The following PLEKHD1 variants were observed in gnomAD, a reference collection of about 807,000 sequenced individuals.
PLEKHD1 encodes the protein pleckstrin homology and coiled-coil domain containing D1, also known as pleckstrin homology domain-containing family D member 1.
In PLEKHD1, 51 loss-of-function variants were observed where a neutral mutation model predicts 69.2. The ratio of observed to expected loss-of-function variants is 0.74; its 90% confidence interval spans 0.59 to 0.93. The LOEUF is 0.93. Among genes scored for constraint, PLEKHD1 ranks in the 40% least tolerant of loss-of-function variants. The pLI is 0.00. For synonymous variants in PLEKHD1, 236 were observed against 244.7 expected, an observed-to-expected ratio of 0.96 and a Z score of 0.33; for missense variants, 584 against 641.0, an observed-to-expected ratio of 0.91 and a Z score of 0.96.
intron 5 of PLEKHD1, chr14:69,502,416 C>T (rs1303026767): frequency 4.0e-6 from 1 of 248,716 alleles, no homozygotes; most frequent in Non-Finnish European, 7.9e-6. Context: ...CTGGGACCCT[C>T]TCCCCTCTGC....
the PLEKHD1 span, among the ~76,000 whole-genome samples, chr14:69,474,313 C>T: frequency 1.3e-5 from 2 of 152,156 alleles, no homozygotes; most frequent in African/African-American, 2.4e-5. Context: ...CCCAGACCCC[C>T]ACCAAATGAT....
chr14:69,473,493 A>G, the PLEKHD1 span, among the ~76,000 whole-genome samples: 1 of 152,196 alleles, frequency 6.6e-6, no homozygotes, highest in Non-Finnish European at 1.5e-5. Context: ...CTGAGTGTAC[A>G]GGTGGGAAAT....
In PLEKHD1 at chr14:69,523,285, A is replaced by G. The variant is rs1594992805; in HGVS notation, c.650+908A>G. On this transcript the variant is annotated intron_variant, in intron 7 of 12. Transcript: ENST00000322564. ...CCCAGGTGATTCTGAGGCAGCCTCC[A>G]GGAATGTGGAGACTGCTGCTGTGGG... 2.6e-5 allele frequency among the ~76,000 whole-genome samples: 4 copies of G among 152,338 alleles called. No individual in the cohort carries two copies. In the South Asian group the frequency reaches 8.3e-4, roughly 32 times the overall value.
At chr14:69,503,025 G>C in intron 6 of PLEKHD1, 146 bp downstream of exon 6, 1 of 862,250 alleles carries the variant, frequency 1.2e-6, no homozygotes, top group African/African-American at 1.7e-5. Context: ...TGGGATCACA[G>C]TGCTTGCTTG....
At chr14:69,471,090 CTTTTTTTT>C in the PLEKHD1 span, among the ~76,000 whole-genome samples, 11 of 44,744 alleles carry the variant, frequency 2.5e-4, no homozygotes, top group African/African-American at 9.4e-4. Context: ...CGTGCCTGGC[CTTTTTTTT>C]TTTTTTTTTT....
At chr14:69,504,437 C>T (rs979178431) in intron 6 of PLEKHD1, among the ~76,000 whole-genome samples, 5 of 144,872 alleles carry the variant, frequency 3.5e-5, no homozygotes, top group Admixed American at 2.7e-4. Flanking sequence ...TCCCTGGGCT[C>T]TGAAACAGGC....
chr14:69,475,957 G>A, the PLEKHD1 span, among the ~76,000 whole-genome samples: 1 of 152,200 alleles, frequency 6.6e-6, no homozygotes, highest in Admixed American at 6.5e-5. Context: ...GGAGGAAGTG[G>A]CATCAGAAAA....
chr14:69,528,028 G>C, intron 12 of PLEKHD1, 96 bp downstream of exon 12: 2 of 1,530,978 alleles, frequency 1.3e-6, no homozygotes, highest in East Asian at 2.4e-5. Context: ...TCTGAGGCTG[G>C]AGAGTGTGGC....
At chr14:69,472,841 G>A in the PLEKHD1 span, among the ~76,000 whole-genome samples, 703 of 152,300 alleles carry the variant, frequency 4.6e-3, 2 homozygotes, top group Non-Finnish European at 7.9e-3. Context: ...TAGGAACCGG[G>A]CCACACAGCA....
chr14:69,521,494 G>A (rs1594991610), intron 6 of PLEKHD1, among the ~76,000 whole-genome samples: 2 of 152,324 alleles, frequency 1.3e-5, no homozygotes, highest in Admixed American at 6.5e-5. Context: ...GATGAGAAAG[G>A]AAGTGAATGT....
chr14:69,490,820 G>A (rs771040144), intron 1 of PLEKHD1, among the ~76,000 whole-genome samples: 4 of 152,118 alleles, frequency 2.6e-5, no homozygotes, highest in Non-Finnish European at 1.5e-5. Flanking sequence ...GGACACTTCT[G>A]AGGGCAGTCC....
intron 1 of PLEKHD1, among the ~76,000 whole-genome samples, chr14:69,489,385 C>T (rs1594972911): frequency 6.6e-6 from 1 of 151,736 alleles, no homozygotes; most frequent in East Asian, 1.9e-4. Context: ...ATGGCAAAAC[C>T]CTGTCTCTAC....
At chr14:69,486,768 C>T (rs939102577) in intron 1 of PLEKHD1, among the ~76,000 whole-genome samples, 19 of 152,194 alleles carry the variant, frequency 1.2e-4, no homozygotes, top group Non-Finnish European at 2.1e-4. Flanking sequence ...CTCCCCTTCA[C>T]CACTGCAGGT....
At chr14:69,503,667 G>A (rs1419123184) in intron 6 of PLEKHD1, 5 of 145,332 alleles carry the variant, frequency 3.4e-5, no homozygotes, top group Non-Finnish European at 6.0e-5. Flanking sequence ...CTCCAGCCTG[G>A]GCGACAGAGC....
chr14:69,485,612 C>T (rs138078921), intron 1 of PLEKHD1, among the ~76,000 whole-genome samples: 44 of 152,290 alleles, frequency 2.9e-4, no homozygotes, highest in African/African-American at 1.1e-3. Context: ...AAGGCTCAGG[C>T]TAAGGAGGGA....
At chr14:69,485,144 C>T (rs1036199348) in intron 1 of PLEKHD1, 30 bp downstream of exon 1, 2 of 1,539,342 alleles carry the variant, frequency 1.3e-6, no homozygotes, top group Non-Finnish European at 8.8e-7. Context: ...CCAAGGAGAC[C>T]GCCGGGGAGA....
intron 10 of PLEKHD1, 58 bp downstream of exon 10, chr14:69,526,887 A>G: frequency 6.8e-7 from 1 of 1,462,154 alleles, no homozygotes; most frequent in Admixed American, 2.6e-5. Context: ...CTCCCCTTCC[A>G]CCCCTGCACT....
At chr14:69,517,001 G>A (rs1354340876) in intron 6 of PLEKHD1, among the ~76,000 whole-genome samples, 1 of 152,202 alleles carries the variant, frequency 6.6e-6, no homozygotes, top group Non-Finnish European at 1.5e-5. Flanking sequence ...AAAGGATGAA[G>A]GCGGGCCAGA....
At chr14:69,498,435 AGAGC>A (rs1348509233) in intron 1 of PLEKHD1, among the ~76,000 whole-genome samples, 2 of 152,114 alleles carry the variant, frequency 1.3e-5, no homozygotes, top group Non-Finnish European at 2.9e-5. Context: ...ACCACAGCAC[AGAGC>A]TGAGCTTCAC....
Sources: gnomAD v4.1 joint callset for allele counts (sites outside exome capture counted in the v4.1 genomes callset) on GRCh38, gnomAD v4.1.1 for gene constraint, MANE v1.5 for transcripts, NCBI Gene and HGNC (gene_info 2026-07-23, HGNC 2026-07-21) for gene names.